PPP1R42: variants seen among roughly 807,000 people sequenced by gnomAD.
PPP1R42 encodes leucine rich repeat containing 67.
A neutral mutation model predicts 31.0 loss-of-function variants in PPP1R42; 34 were observed. The ratio of observed to expected loss-of-function variants is 1.10; its 90% CI spans 0.83 to 1.46. PPP1R42 has a LOEUF of 1.46. Among genes scored for constraint, PPP1R42 ranks in the 40% most tolerant of loss-of-function variants. The pLI is 0.00. For missense variants in PPP1R42, 268 were observed against 303.0 expected (o/e 0.88, Z 0.86); for synonymous variants, 103 against 109.8 (o/e 0.94, Z 0.39).
chr8:66,999,959 T>C (rs992425196), intron 5 of PPP1R42, among the ~76,000 whole-genome samples: 1 of 152,192 alleles, frequency 6.6e-6, no homozygotes, highest in Non-Finnish European at 1.5e-5. Flanking sequence ...ATTCCAGATA[T>C]TGTTAATTTG....
At chr8:67,016,297 ATT>A (rs1563432073) in intron 2 of PPP1R42, among the ~76,000 whole-genome samples, 1 of 152,144 alleles carries the variant, frequency 6.6e-6, no homozygotes. Context: ...TGGATGAGGG[ATT>A]TAGAGTGATG....
intron 5 of PPP1R42, among the ~76,000 whole-genome samples, chr8:66,999,576 C>T (rs189550739): frequency 8.1e-4 from 124 of 152,210 alleles, no homozygotes; most frequent in Middle Eastern, 6.8e-3. Context: ...TTTTGAACTC[C>T]TGAGCGCAAG....
intron 6 of PPP1R42, chr8:66,984,293 C>T: frequency 2.2e-6 from 3 of 1,362,116 alleles, no homozygotes; most frequent in South Asian, 1.2e-5. Flanking sequence ...CAGAATAGTA[C>T]ACATTTGTTG....
At chr8:66,977,939 A>T (rs1814724454) in intron 7 of PPP1R42, among the ~76,000 whole-genome samples, 1 of 152,178 alleles carries the variant, frequency 6.6e-6, no homozygotes, top group Non-Finnish European at 1.5e-5. Flanking sequence ...GTAAGCCACC[A>T]TGTCCAGCAC....
At chr8:67,004,407 G>A (rs562026638) in intron 5 of PPP1R42, among the ~76,000 whole-genome samples, 42 of 152,262 alleles carry the variant, frequency 2.8e-4, no homozygotes, top group African/African-American at 9.1e-4. Flanking sequence ...CCTATTCTCT[G>A]ATTCTGGTAC....
chr8:66,990,117 A>C (rs1815146519), intron 5 of PPP1R42, among the ~76,000 whole-genome samples: 1 of 152,194 alleles, frequency 6.6e-6, no homozygotes, highest in Admixed American at 6.5e-5. Flanking sequence ...TGCCTTCTCC[A>C]ACAGCATTTG....
chr8:66,967,986 G>T (rs1400163895), intron 7 of PPP1R42, among the ~76,000 whole-genome samples: 6 of 151,896 alleles, frequency 4.0e-5, no homozygotes, highest in Non-Finnish European at 5.9e-5. Context: ...CTCCTAGCAT[G>T]TTTGCAAAGA....
chr8:66,976,859 C>T (rs1384276201), intron 7 of PPP1R42, among the ~76,000 whole-genome samples: 1 of 152,132 alleles, frequency 6.6e-6, no homozygotes, highest in African/African-American at 2.4e-5. Context: ...ACTCCTGCAA[C>T]AAACATGAGG....
Position 67,010,819 on chromosome 8 carries a change from T to C in PPP1R42, c.448A>G (p.Ile150Val), listed in dbSNP as rs199652718. The C allele has an allele frequency of 3.2e-6, 5 of 1,586,800 alleles. No individual in the cohort carries two copies. The East Asian group carries it at 6.7e-5, about 21-fold the overall frequency. The stretch of plus-strand genomic sequence containing the variant: ...ATATTATTATTGCTGATATTCAATA[T>C]ACAGAGGGATTTCTGTAAGAAAAAT... ...TLHSLAKSLCILNISNNNIDD... is the reference protein window; with the variant it reads ...TLHSLAKSLCVLNISNNNIDD... The change falls in exon 5 of 8, where the codon ATA becomes GTA. Residue 150 changes from isoleucine (I) to valine (V), a missense_variant. Transcript: ENST00000685739.
intron 5 of PPP1R42, among the ~76,000 whole-genome samples, chr8:66,989,295 GAACT>G (rs1025197620): frequency 6.6e-6 from 1 of 152,150 alleles, no homozygotes; most frequent in African/African-American, 2.4e-5. Flanking sequence ...CGGAACTTAA[GAACT>G]AACTGTCTCA....
chr8:67,007,384 T>C (rs574280858), intron 5 of PPP1R42, among the ~76,000 whole-genome samples: 1 of 152,210 alleles, frequency 6.6e-6, no homozygotes, highest in South Asian at 2.1e-4. Flanking sequence ...AAATGGATGC[T>C]CTTTTTTTCA....
At chr8:66,990,132 G>A (rs1815147218) in intron 5 of PPP1R42, among the ~76,000 whole-genome samples, 2 of 152,096 alleles carry the variant, frequency 1.3e-5, no homozygotes, top group African/African-American at 4.8e-5. Context: ...CATTTGTTTG[G>A]CAGGGTTTAA....
chr8:66,966,456 A>C (rs1248791065), intron 7 of PPP1R42, among the ~76,000 whole-genome samples: 5 of 152,212 alleles, frequency 3.3e-5, no homozygotes, highest in Non-Finnish European at 7.3e-5. Flanking sequence ...AATGGGGCTT[A>C]TAGTATTCTT....
intron 5 of PPP1R42, among the ~76,000 whole-genome samples, chr8:66,995,775 T>C (rs982788115): frequency 1.3e-5 from 2 of 152,204 alleles, no homozygotes; most frequent in African/African-American, 4.8e-5. Flanking sequence ...AATAAGATCA[T>C]AGGGTTTATA....
In PPP1R42 at chr8:67,010,761, T is replaced by C; in HGVS notation, c.506A>G (p.Asn169Ser). Reference sequence around the variant, plus strand: ...GTCAACGGCTATGAGCTGATTAAGATTCTCTAGTAGTTCTAAGTCTGTAAT... The same window carrying C: ...GTCAACGGCTATGAGCTGATTAAGACTCTCTAGTAGTTCTAAGTCTGTAAT... Reference protein sequence around the residue: ...DDITDLELLENLNQLIAVDNQ... With the variant: ...DDITDLELLESLNQLIAVDNQ... The change falls in exon 5 of 8, where the codon AAT becomes AGT. Residue 169 changes from asparagine (N) to serine (S), a missense_variant. Physicochemically the swap from Asn to Ser is conservative, Grantham distance 46. Transcript: ENST00000685739. 1 of 1,608,646 alleles carries C rather than the reference T, an allele frequency of 6.2e-7. No individual in the cohort carries two copies. Among genetic ancestry groups the C allele is most frequent in the Non-Finnish European group, 8.5e-7 (1 of 1,177,590 alleles).
chr8:66,980,270 C>T (rs1814788481), intron 7 of PPP1R42, among the ~76,000 whole-genome samples: 1 of 152,040 alleles, frequency 6.6e-6, no homozygotes, highest in Admixed American at 6.6e-5. Flanking sequence ...CTCTGTTCCC[C>T]AGGCTGGAGT....
chr8:66,987,914 A>T (rs1008012258), intron 6 of PPP1R42, among the ~76,000 whole-genome samples: 2 of 152,120 alleles, frequency 1.3e-5, no homozygotes, highest in South Asian at 4.1e-4. Context: ...ACATTCAGGA[A>T]TGTTATTTGT....
intron 5 of PPP1R42, among the ~76,000 whole-genome samples, chr8:66,990,004 A>G (rs574098891): frequency 6.6e-6 from 1 of 152,354 alleles, no homozygotes; most frequent in East Asian, 1.9e-4. Context: ...TAAGTAAGGA[A>G]GAAGAAACTT....
At chr8:66,982,856 A>C (rs1814883524) in intron 6 of PPP1R42, among the ~76,000 whole-genome samples, 1 of 152,066 alleles carries the variant, frequency 6.6e-6, no homozygotes. Flanking sequence ...GCTCACTGCA[A>C]CCTCAAAACT....
Sources: gnomAD v4.1 joint callset for allele counts (sites outside exome capture counted in the v4.1 genomes callset) on GRCh38, gnomAD v4.1.1 for gene constraint, MANE v1.5 for transcripts, NCBI Gene and HGNC (gene_info 2026-07-23, HGNC 2026-07-21) for gene names.